Variants in TUBGCP4 observed in about 807,000 individuals in gnomAD.
The protein encoded by TUBGCP4 is gamma-tubulin complex component 4.
A neutral mutation model predicts 91.6 loss-of-function variants in TUBGCP4; 54 were observed. The ratio of observed to expected loss-of-function variants is 0.59; its 90% CI spans 0.47 to 0.74. The LOEUF is 0.74. Among genes scored for constraint, TUBGCP4 ranks in the 30% least tolerant of loss-of-function variants. The probability of loss-of-function intolerance (pLI) is 0.00; values close to 1 mark genes in which losing one functional copy is unlikely to be tolerated. For synonymous variants in TUBGCP4, 297 were observed against 302.8 expected (o/e 0.98, Z 0.20); for missense variants, 593 against 800.9 (o/e 0.74, Z 3.13).
intron 6 of TUBGCP4, among the ~76,000 whole-genome samples, 158 bp from the exon 7 acceptor site, chr15:43,383,145 T>G (rs1287013793): frequency 6.6e-6 from 1 of 152,232 alleles, no homozygotes; most frequent in African/African-American, 2.4e-5. Context: ...ATATGGAAAT[T>G]CAGTGAGTTA....
intron 14 of TUBGCP4, among the ~76,000 whole-genome samples, chr15:43,400,461 A>G (rs1200181038): frequency 6.6e-6 from 1 of 152,168 alleles, no homozygotes; most frequent in Non-Finnish European, 1.5e-5. Context: ...GCAGTGGTAC[A>G]GTCATAGCTC....
At chr15:43,393,981 A>T (rs981454914) in intron 9 of TUBGCP4, 4 of 151,198 alleles carry the variant, frequency 2.6e-5, no homozygotes, top group African/African-American at 9.7e-5. Flanking sequence ...TGCCTATTTT[A>T]TACTGGGTTT....
chr15:43,372,831 A>C lies in TUBGCP4; in HGVS notation c.78+1399A>C, dbSNP rs148967361. Among the ~76,000 whole-genome samples the C allele has an allele frequency of 2.7e-3, 407 of 152,258 alleles. 1 individual carries two copies. Among genetic ancestry groups the C allele is most frequent in the South Asian group, 0.013 (64 of 4,820 alleles). On this transcript the variant is annotated intron_variant, in intron 1 of 17. Coordinates refer to ENST00000564079, the MANE Select transcript of TUBGCP4 (RefSeq NM_014444.5). ...CCATCAACTTGTTTATTTCCCTTGT[A>C]GGATTTGTCACAATTCATAATGTAT...
chr15:43,407,237 C>T lies in TUBGCP4; in HGVS notation c.*2023C>T. 2 of 689,148 alleles carry T rather than the reference C, an allele frequency of 2.9e-6. No homozygotes were observed. Among genetic ancestry groups the T allele is most frequent in the Non-Finnish European group, 4.8e-6 (2 of 417,796 alleles). The allele number at this position is 689,148 out of a possible 1,614,324, so 42.7% of individuals were successfully genotyped here. A position where few individuals can be genotyped will look rare whatever the true frequency, so the allele number is the denominator to read the frequency against. ...AGTTACTACAACCAAAGAGATTCAACATTTATTTTATCATAAAAGTTCAGC... is the reference window on the plus strand; with the variant it reads ...AGTTACTACAACCAAAGAGATTCAATATTTATTTTATCATAAAAGTTCAGC... On this transcript the variant is annotated 3_prime_UTR_variant, in exon 18 of 18. Transcript: ENST00000564079.
In TUBGCP4 at chr15:43,383,343, T is replaced by A. The variant is rs2044311860; in HGVS notation, c.562T>A (p.Ser188Thr). Reference sequence around the variant, plus strand: ...TCATGGGGTCATGTATAAACAGCTCTCAGCCTGGATGCTCCATGGACTCCT... The same window carrying A: ...TCATGGGGTCATGTATAAACAGCTCACAGCCTGGATGCTCCATGGACTCCT... ...VCHGVMYKQLSAWMLHGLLLD... is the reference protein window; with the variant it reads ...VCHGVMYKQLTAWMLHGLLLD... Residue 188 changes from serine to threonine, a missense_variant, in exon 7 of 18, where the codon TCA becomes ACA. Physicochemically the swap from Ser to Thr is moderately conservative, Grantham distance 58. Transcript: ENST00000564079. 2 of 1,614,104 alleles carry A rather than the reference T, an allele frequency of 1.2e-6. No individual in the cohort carries two copies. The highest frequency in any genetic ancestry group is 3.3e-5 in the Admixed American group (2 of 60,006).
At chr15:43,387,844 TA>T (rs1372736242) in intron 9 of TUBGCP4, among the ~76,000 whole-genome samples, 1 of 151,864 alleles carries the variant, frequency 6.6e-6, no homozygotes, top group African/African-American at 2.4e-5. Context: ...AGAGGGTAGG[TA>T]CCTTTATTTT....
chr15:43,381,469 G>A (rs1487056330), intron 6 of TUBGCP4, among the ~76,000 whole-genome samples: 1 of 152,118 alleles, frequency 6.6e-6, no homozygotes, highest in Non-Finnish European at 1.5e-5. Flanking sequence ...GGGCTCGGTG[G>A]CTCACGCTTG....
intron 5 of TUBGCP4, among the ~76,000 whole-genome samples, chr15:43,378,980 G>A (rs1183031642): frequency 6.6e-6 from 1 of 152,250 alleles, no homozygotes; most frequent in Non-Finnish European, 1.5e-5. Flanking sequence ...AATGAGGACA[G>A]CATAAGGGAG....
chr15:43,406,751 G>A lies in TUBGCP4; in HGVS notation c.*1537G>A, dbSNP rs1339220723. 2.6e-6 allele frequency: 1 copy of A among 384,698 alleles called. No homozygotes were observed. The highest frequency in any genetic ancestry group is 5.1e-6 in the Non-Finnish European group (1 of 195,354). 23.8% of individuals were successfully genotyped at this position (384,698 alleles called of 1,614,324 possible). A position where few individuals can be genotyped will look rare whatever the true frequency, so the allele number is the denominator to read the frequency against. ...TGACTAGAACGTGTAACATTTCCAGGTGTTCTCACTTGTGCTTCCCATGTT... is the reference window on the plus strand; with the variant it reads ...TGACTAGAACGTGTAACATTTCCAGATGTTCTCACTTGTGCTTCCCATGTT... On this transcript the variant is annotated 3_prime_UTR_variant, in exon 18 of 18. Transcript: ENST00000564079.
In TUBGCP4 at chr15:43,401,859, G is replaced by A; in HGVS notation, c.1731+9G>A. 1.9e-6 allele frequency: 3 copies of A among 1,613,886 alleles called. No individual in the cohort carries two copies. The highest frequency in any genetic ancestry group is 2.5e-6 in the Non-Finnish European group (3 of 1,179,914). ...TTATCCTATTGAAACCTGTAAGTAAGGCTCATTGGTTTCCTCAGACTGCTT... is the reference window on the plus strand; with the variant it reads ...TTATCCTATTGAAACCTGTAAGTAAAGCTCATTGGTTTCCTCAGACTGCTT... On this transcript the variant is annotated intron_variant, in intron 15 of 17. Transcript: ENST00000564079.
In TUBGCP4 at chr15:43,408,890, T is replaced by C. The variant is rs545777117; in HGVS notation, c.*3676T>C. ...TATACAATTCTGGATGGGCTTCAAA[T>C]ACTTACCAGTCCAGAATTCTTTGCT... is the stretch of plus-strand genomic sequence containing the variant. On this transcript the variant is annotated 3_prime_UTR_variant, in exon 18 of 18. Coordinates refer to ENST00000564079, the MANE Select transcript of TUBGCP4 (RefSeq NM_014444.5). The C allele has an allele frequency of 1.2e-6, 2 of 1,614,016 alleles. No homozygotes were observed. Among genetic ancestry groups the C allele is most frequent in the Non-Finnish European group, 1.7e-6 (2 of 1,179,944 alleles).
At position 43,408,883 on chromosome 15, in the gene TUBGCP4, C is replaced by T. The variant is rs1196961638; in HGVS notation, c.*3669C>T. Reference sequence around the variant, plus strand: ...TCCTGCCTATACAATTCTGGATGGGCTTCAAATACTTACCAGTCCAGAATT... The same window carrying T: ...TCCTGCCTATACAATTCTGGATGGGTTTCAAATACTTACCAGTCCAGAATT... On this transcript the variant is annotated 3_prime_UTR_variant, in exon 18 of 18. Coordinates refer to ENST00000564079, the MANE Select transcript of TUBGCP4 (RefSeq NM_014444.5). 1 of 1,613,512 alleles carries T rather than the reference C, an allele frequency of 6.2e-7. No individual in the cohort carries two copies. The highest frequency in any genetic ancestry group is 1.3e-5 in the African/African-American group (1 of 74,890).
Position 43,371,224 on chromosome 15 carries a change from T to G in TUBGCP4, c.-131T>G. 4.7e-6 allele frequency: 4 copies of G among 858,974 alleles called. No individual in the cohort carries two copies. The highest frequency in any genetic ancestry group is 7.3e-6 in the Non-Finnish European group (4 of 549,584). The allele number at this position is 858,974 out of a possible 1,614,324, so 53.2% of individuals were successfully genotyped here. A position where few individuals can be genotyped will look rare whatever the true frequency, so the allele number is the denominator to read the frequency against. Reference sequence around the variant, plus strand: ...CCGCCGCAGCGATTGTCTCGGTGGGTTGATTCGGCACAAACCGCCCGACCC... The same window carrying G: ...CCGCCGCAGCGATTGTCTCGGTGGGGTGATTCGGCACAAACCGCCCGACCC... On this transcript the variant is annotated 5_prime_UTR_variant, in exon 1 of 18. Transcript: ENST00000564079.
At chr15:43,373,348 G>A (rs1194272324) in intron 1 of TUBGCP4, among the ~76,000 whole-genome samples, 4 of 152,014 alleles carry the variant, frequency 2.6e-5, no homozygotes, top group Admixed American at 1.3e-4. Flanking sequence ...TGAACTTTTC[G>A]AAAACTCTGC....
At chr15:43,386,060 T>G in intron 8 of TUBGCP4, 104 bp downstream of exon 8, 1 of 1,527,834 alleles carries the variant, frequency 6.5e-7, no homozygotes, top group Non-Finnish European at 8.8e-7. Flanking sequence ...TCGATAATAT[T>G]CCTATCCTGA....
rs748322812 is a variant in TUBGCP4, at chr15:43,409,151, A to C, written c.*3937A>C. On this transcript the variant is annotated 3_prime_UTR_variant, in exon 18 of 18. Transcript: ENST00000564079. ...TTGGTGACTTCTGTGGAAAGCTCCT[A>C]AGCAGCAGCCATAATGAGCCATGAA... 5 of 1,540,762 alleles carry C rather than the reference A, an allele frequency of 3.2e-6. No individual in the cohort carries two copies. Among genetic ancestry groups the C allele is most frequent in the Non-Finnish European group, 4.5e-6 (5 of 1,117,768 alleles).
rs768497502 is a variant in TUBGCP4, at chr15:43,409,690, C to T, written c.*4476C>T. 4.4e-6 allele frequency: 7 copies of T among 1,575,668 alleles called. No homozygotes were observed. The highest frequency in any genetic ancestry group is 6.0e-6 in the Non-Finnish European group (7 of 1,163,526). ...TTCAAGGATATAGCCAGCTCCTGCTCGAAGCTGGGATTCTGTATACTGCTT... is the reference window on the plus strand; with the variant it reads ...TTCAAGGATATAGCCAGCTCCTGCTTGAAGCTGGGATTCTGTATACTGCTT... On this transcript the variant is annotated 3_prime_UTR_variant, in exon 18 of 18. Coordinates refer to ENST00000564079, the MANE Select transcript of TUBGCP4 (RefSeq NM_014444.5).
intron 2 of TUBGCP4, 38 bp from the exon 3 acceptor site, chr15:43,376,465 C>G: frequency 6.2e-7 from 1 of 1,614,140 alleles, no homozygotes; most frequent in Non-Finnish European, 8.5e-7. Context: ...GTTTCAGGGC[C>G]TGAGCTGAGA....
chr15:43,376,677 G>A (rs1017115575), intron 3 of TUBGCP4, 52 bp downstream of exon 3: 2 of 1,609,478 alleles, frequency 1.2e-6, no homozygotes, highest in South Asian at 2.2e-5. Flanking sequence ...ATTAGGGCAT[G>A]TTCTTGAATC....
Sources: allele counts gnomAD v4.1 joint callset (sites outside exome capture counted in the v4.1 genomes callset), GRCh38; gene constraint gnomAD v4.1.1; transcripts MANE v1.5; gene names NCBI Gene and HGNC (gene_info 2026-07-23, HGNC 2026-07-21).